Variants in CENPP observed in about 807,000 individuals in gnomAD.
CENPP encodes the protein centromere protein P.
CENPP carries 24 observed loss-of-function variants against 35.6 expected under a neutral mutation model. The ratio of observed to expected loss-of-function variants is 0.67; its 90% confidence interval spans 0.49 to 0.95. CENPP has a LOEUF of 0.95. Among genes scored for constraint, CENPP ranks in the 40% least tolerant of loss-of-function variants. The pLI is 0.00. For missense variants in CENPP, 332 were observed against 345.3 expected (o/e 0.96, Z 0.31); for synonymous variants, 120 against 125.5 (o/e 0.96, Z 0.29).
At chr9:92,470,545 G>A in intron 5 of CENPP, 1 of 527,494 alleles carries the variant, frequency 1.9e-6, no homozygotes, top group Non-Finnish European at 3.2e-6. Context: ...GTTGAATGCA[G>A]GGATTTTTGT....
chr9:92,471,090 T>A (rs1364266968), intron 5 of CENPP, among the ~76,000 whole-genome samples: 1 of 152,140 alleles, frequency 6.6e-6, no homozygotes, highest in Non-Finnish European at 1.5e-5. Flanking sequence ...ACCACTGAGG[T>A]GCAGCTTCTG....
In CENPP at chr9:92,611,343, G is replaced by A. The variant is rs771112725; in HGVS notation, c.594G>A (p.Ser198=). The change falls in exon 6 of 8, where the codon TCG becomes TCA. Residue 198 remains serine, a synonymous_variant. Coordinates refer to ENST00000375587, the MANE Select transcript of CENPP (RefSeq NM_001012267.3). ...KEKYPDAVYL[S]EGPSSCSMGI... is the part of the protein sequence containing the mutation. ...AGTACCCAGATGCCGTGTACCTCTC[G>A]GAGGGGCCCTCCTCCTGCTCCATGG... 23 of 1,613,696 alleles carry A rather than the reference G, an allele frequency of 1.4e-5. No individual in the cohort carries two copies. Among genetic ancestry groups the A allele is most frequent in the Non-Finnish European group, 1.8e-5 (21 of 1,180,004 alleles).
chr9:92,581,052 G>A (rs1374318400), intron 5 of CENPP, among the ~76,000 whole-genome samples: 1 of 151,922 alleles, frequency 6.6e-6, no homozygotes, highest in Non-Finnish European at 1.5e-5. Flanking sequence ...CCTTCATTTC[G>A]TTATGTACCC....
chr9:92,410,176 T>C (rs896967283), intron 5 of CENPP, among the ~76,000 whole-genome samples: 3 of 152,152 alleles, frequency 2.0e-5, no homozygotes, highest in Non-Finnish European at 4.4e-5. Flanking sequence ...GACCTCATGA[T>C]CTACCCACCT....
At chr9:92,404,728 T>C (rs1315104243) in intron 5 of CENPP, 93 of 1,079,794 alleles carry the variant, frequency 8.6e-5, no homozygotes, top group Non-Finnish European at 1.1e-4. Context: ...GTGCTTAAGT[T>C]ATTTGTTGTA....
intron 3 of CENPP, 60 bp downstream of exon 3, chr9:92,337,689 C>A: frequency 9.5e-7 from 1 of 1,049,738 alleles, no homozygotes; most frequent in Non-Finnish European, 1.5e-6. Context: ...AAACAATTCC[C>A]ACACCCCAGC....
At chr9:92,569,737 G>T (rs1399691104) in intron 5 of CENPP, among the ~76,000 whole-genome samples, 3 of 152,142 alleles carry the variant, frequency 2.0e-5, no homozygotes, top group East Asian at 3.8e-4. Flanking sequence ...CCATTTGTTT[G>T]TGTCCCTTTT....
chr9:92,549,090 G>A (rs2131322953), intron 5 of CENPP, among the ~76,000 whole-genome samples: 1 of 152,152 alleles, frequency 6.6e-6, no homozygotes, highest in East Asian at 1.9e-4. Context: ...CTCATCACAT[G>A]TAGCTACTTG....
chr9:92,516,967 C>A, intron 5 of CENPP: 1 of 152,322 alleles, frequency 6.6e-6, no homozygotes, highest in Non-Finnish European at 1.5e-5. Flanking sequence ...AATTATTTAA[C>A]AAGTATTTAT....
At chr9:92,464,243 G>T (rs1845220785) in intron 5 of CENPP, among the ~76,000 whole-genome samples, 1 of 152,190 alleles carries the variant, frequency 6.6e-6, no homozygotes, top group African/African-American at 2.4e-5. Context: ...GAAGTAATGG[G>T]TTAGAACACT....
At chr9:92,510,090 A>G (rs1471766652) in intron 5 of CENPP, 3 of 1,535,878 alleles carry the variant, frequency 2.0e-6, no homozygotes, top group Non-Finnish European at 2.6e-6. Context: ...GTGCAGTCAC[A>G]TTTCATATAA....
At chr9:92,457,547 C>G in intron 5 of CENPP, 1 of 1,201,918 alleles carries the variant, frequency 8.3e-7, no homozygotes, top group East Asian at 2.4e-5. Flanking sequence ...GGAAGATACT[C>G]TGTAGTCGCC....
intron 5 of CENPP, among the ~76,000 whole-genome samples, chr9:92,487,905 C>T (rs1354517976): frequency 6.6e-6 from 1 of 152,162 alleles, no homozygotes; most frequent in Non-Finnish European, 1.5e-5. Flanking sequence ...ACTTTGAGTA[C>T]CCATACAACC....
At chr9:92,535,132 G>GTA (rs373851736) in intron 5 of CENPP, among the ~76,000 whole-genome samples, 16,140 of 152,028 alleles carry the variant, frequency 0.11, 933 homozygotes, top group Middle Eastern at 0.15. Context: ...TACTTACCCA[G>GTA]AAATCTAAAT....
At chr9:92,586,499 A>G (rs552419396) in intron 5 of CENPP, among the ~76,000 whole-genome samples, 1 of 152,212 alleles carries the variant, frequency 6.6e-6, no homozygotes, top group Admixed American at 6.5e-5. Flanking sequence ...TGCATATACC[A>G]GGGGAAAAAA....
intron 4 of CENPP, among the ~76,000 whole-genome samples, chr9:92,366,548 C>A (rs1841893846): frequency 6.6e-6 from 1 of 152,140 alleles, no homozygotes; most frequent in Admixed American, 6.5e-5. Flanking sequence ...CTCAACTGAT[C>A]TAGTTAAAGT....
chr9:92,425,117 C>CT (rs1200099649), intron 5 of CENPP, among the ~76,000 whole-genome samples: 12 of 152,318 alleles, frequency 7.9e-5, no homozygotes, highest in African/African-American at 2.9e-4. Flanking sequence ...ATTGTCATTG[C>CT]TTACACAGAT....
chr9:92,417,622 A>G, intron 5 of CENPP: 1 of 931,700 alleles, frequency 1.1e-6, no homozygotes. Flanking sequence ...GAGTAAACTC[A>G]GAATACGCTT....
chr9:92,402,733 G>A (rs1246983046), intron 5 of CENPP, among the ~76,000 whole-genome samples: 1 of 152,080 alleles, frequency 6.6e-6, no homozygotes, highest in Non-Finnish European at 1.5e-5. Context: ...TTCAGTTTTT[G>A]GTACTGTATG....
Sources: gnomAD v4.1 joint callset for allele counts (sites outside exome capture counted in the v4.1 genomes callset) on GRCh38, gnomAD v4.1.1 for gene constraint, MANE v1.5 for transcripts, NCBI Gene and HGNC (gene_info 2026-07-23, HGNC 2026-07-21) for gene names.